PIK3R5: variants seen among roughly 807,000 people sequenced by gnomAD.
PIK3R5 encodes phosphoinositide-3-kinase regulatory subunit 5.
PIK3R5 carries 32 observed loss-of-function variants against 94.9 expected under a neutral mutation model. That is an observed-to-expected ratio of 0.34 (90% confidence interval 0.25 to 0.45). The LOEUF is 0.45. Among genes scored for constraint, PIK3R5 ranks in the 20% least tolerant of loss-of-function variants. The pLI, the probability that PIK3R5 is intolerant of heterozygous loss-of-function variation, is 1.00. For missense variants in PIK3R5, 853 were observed against 1,144.6 expected (o/e 0.75, Z 3.68); for synonymous variants, 443 against 479.4 (o/e 0.92, Z 0.99).
intron 1 of PIK3R5, among the ~76,000 whole-genome samples, chr17:8,942,569 A>G (rs1309636667): frequency 6.6e-6 from 1 of 152,168 alleles, no homozygotes; most frequent in Non-Finnish European, 1.5e-5. Flanking sequence ...GAGGGAAGCT[A>G]TGCAGCCTTC....
rs2091253858 is a variant in PIK3R5 at position 8,945,304 on chromosome 17, TC to T, written c.-14+20291del. Reference sequence around the variant, plus strand: ...GGTGGGTCATTTGATTGACACTAGCTCCAAGAGATTCTTCCCTTACAATCAG... The same window carrying T: ...GGTGGGTCATTTGATTGACACTAGCTCAAGAGATTCTTCCCTTACAATCAG... On this transcript the variant is annotated intron_variant, in intron 1 of 18. Coordinates refer to ENST00000447110, the MANE Select transcript of PIK3R5 (RefSeq NM_001142633.3). The surrounding 1 kb of genome is among the most constrained non-coding windows in gnomAD (Gnocchi z 4.0). Among the ~76,000 whole-genome samples, 2 of 152,062 alleles carry T rather than the reference TC, an allele frequency of 1.3e-5. No homozygotes were observed. Among genetic ancestry groups the T allele is most frequent in the Non-Finnish European group, 2.9e-5 (2 of 68,004 alleles).
At chr17:8,960,007 C>T (rs903109175) in intron 1 of PIK3R5, among the ~76,000 whole-genome samples, 4 of 152,060 alleles carry the variant, frequency 2.6e-5, no homozygotes, top group African/African-American at 7.3e-5. Flanking sequence ...GAAGAGAGGC[C>T]CCCCCATTAG....
intron 1 of PIK3R5, among the ~76,000 whole-genome samples, chr17:8,962,370 A>G (rs1000774582): frequency 2.6e-5 from 4 of 152,386 alleles, no homozygotes; most frequent in Non-Finnish European, 5.9e-5. Context: ...CCATTTGATG[A>G]AAATTTCAAG....
intron 1 of PIK3R5, among the ~76,000 whole-genome samples, chr17:8,951,511 G>T (rs936209051): frequency 5.9e-5 from 9 of 152,070 alleles, no homozygotes; most frequent in African/African-American, 2.2e-4. Flanking sequence ...TTATCCTTTT[G>T]TGTCTGGCTT....
chr17:8,942,127 T>C (rs2151457922), intron 1 of PIK3R5, among the ~76,000 whole-genome samples: 1 of 152,112 alleles, frequency 6.6e-6, no homozygotes, highest in Non-Finnish European at 1.5e-5. Context: ...CCAGCTTCTC[T>C]CCCTTCCATT....
chr17:8,941,210 G>A (rs1010867255), intron 1 of PIK3R5, among the ~76,000 whole-genome samples: 8 of 152,134 alleles, frequency 5.3e-5, no homozygotes, highest in Non-Finnish European at 1.2e-4. Context: ...TGGGGTTGGT[G>A]GGGAGGCAGA....
chr17:8,912,388 T>C (rs1351920223), intron 1 of PIK3R5: 1 of 152,286 alleles, frequency 6.6e-6, no homozygotes, highest in African/African-American at 2.4e-5. Flanking sequence ...GCTAGCCATG[T>C]GACTTTGGGC....
intron 1 of PIK3R5, among the ~76,000 whole-genome samples, chr17:8,927,533 T>A (rs1204214361): frequency 3.3e-5 from 5 of 152,146 alleles, no homozygotes; most frequent in Admixed American, 6.5e-5. Context: ...GACACCTCCA[T>A]GATAAGATGA....
chr17:8,949,481 T>C (rs1009965159), intron 1 of PIK3R5, among the ~76,000 whole-genome samples: 2 of 152,170 alleles, frequency 1.3e-5, no homozygotes, highest in Non-Finnish European at 2.9e-5. Context: ...CTACCGATTA[T>C]CTTTGAAGAA....
chr17:8,936,699 T>C (rs1342303300), intron 1 of PIK3R5, among the ~76,000 whole-genome samples: 1 of 152,236 alleles, frequency 6.6e-6, no homozygotes, highest in African/African-American at 2.4e-5. Context: ...GTAATGTCAG[T>C]CTTCTGACTT....
chr17:8,943,063 C>T (rs1308721394), intron 1 of PIK3R5, among the ~76,000 whole-genome samples: 1 of 151,548 alleles, frequency 6.6e-6, no homozygotes, highest in Non-Finnish European at 1.5e-5. Flanking sequence ...TCAGCTTGAA[C>T]CTTTTTCTTT....
In PIK3R5 at chr17:8,909,821, G is replaced by C. The variant is rs141375873; in HGVS notation, c.104-647C>G. Reference sequence around the variant, plus strand: ...ACCTCTCCTGCCCTGGTTTCCTACAGTGGGTTCTGGTACCTATGAGTTGCA... The same window carrying C: ...ACCTCTCCTGCCCTGGTTTCCTACACTGGGTTCTGGTACCTATGAGTTGCA... On this transcript the variant is annotated intron_variant, in intron 2 of 18. Transcript: ENST00000447110. The surrounding 1 kb of genome is among the most constrained non-coding windows in gnomAD (Gnocchi z 4.3). Among the ~76,000 whole-genome samples the C allele has an allele frequency of 6.6e-6, 1 of 152,306 alleles. No individual in the cohort carries two copies. Among genetic ancestry groups the C allele is most frequent in the Admixed American group, 6.5e-5 (1 of 15,300 alleles).
intron 5 of PIK3R5, among the ~76,000 whole-genome samples, chr17:8,899,751 T>C (rs767697660): frequency 5.3e-5 from 8 of 152,232 alleles, no homozygotes; most frequent in Non-Finnish European, 8.8e-5. Flanking sequence ...TTGAAAATCA[T>C]AGGAAAGGCT....
chr17:8,905,041 C>T, intron 4 of PIK3R5, 126 bp from the exon 5 acceptor site: 1 of 1,052,298 alleles, frequency 9.5e-7, no homozygotes, highest in Non-Finnish European at 1.4e-6. Flanking sequence ...CGCAGCGTGT[C>T]CCAGGACAAG....
At chr17:8,965,001 CCACACACACACACA>C (rs10680170) in intron 1 of PIK3R5, among the ~76,000 whole-genome samples, 4 of 150,696 alleles carry the variant, frequency 2.7e-5, no homozygotes, top group African/African-American at 9.8e-5. Context: ...ATGCGCATGC[CCACACACACACACA>C]CACACACACA....
chr17:8,949,398 G>A (rs2091334189), intron 1 of PIK3R5, among the ~76,000 whole-genome samples: 1 of 152,196 alleles, frequency 6.6e-6, no homozygotes, highest in South Asian at 2.1e-4. Context: ...TGCTGAAAAT[G>A]AGTTTAGGAT....
At chr17:8,964,290 GC>G (rs2151490053) in intron 1 of PIK3R5, among the ~76,000 whole-genome samples, 1 of 152,120 alleles carries the variant, frequency 6.6e-6, no homozygotes, top group East Asian at 1.9e-4. Context: ...TACTTGGGAG[GC>G]GGAGGCGGAG....
At chr17:8,931,574 T>A (rs1352700203) in intron 1 of PIK3R5, among the ~76,000 whole-genome samples, 1 of 152,052 alleles carries the variant, frequency 6.6e-6, no homozygotes, top group Non-Finnish European at 1.5e-5. Context: ...CTTTCCGAGT[T>A]GAGGAGACAG....
In PIK3R5 at chr17:8,881,925, G is replaced by T. The variant is rs151095819; in HGVS notation, c.2206-44C>A. On this transcript the variant is annotated intron_variant, in intron 15 of 18. Coordinates refer to ENST00000447110, the MANE Select transcript of PIK3R5 (RefSeq NM_001142633.3). The surrounding 1 kb of genome is among the most constrained non-coding windows in gnomAD (Gnocchi z 4.8). Reference sequence around the variant, plus strand: ...CAGACCCTCTGAGTCCAGAGGCCCCGGTGCCTGCTGCCTTCTCTTTGAAGG... The same window carrying T: ...CAGACCCTCTGAGTCCAGAGGCCCCTGTGCCTGCTGCCTTCTCTTTGAAGG... 6 of 1,453,236 alleles carry T rather than the reference G, an allele frequency of 4.1e-6. No homozygotes were observed. In the South Asian group the frequency reaches 4.7e-5, roughly 11 times the overall value. The allele number at this position is 1,453,236 out of a possible 1,614,324, so 90.0% of individuals were successfully genotyped here. A position where few individuals can be genotyped will look rare whatever the true frequency, so the allele number is the denominator to read the frequency against.
Sources: gnomAD v4.1 joint callset for allele counts (sites outside exome capture counted in the v4.1 genomes callset) on GRCh38, gnomAD v4.1.1 for gene constraint, Gnocchi (gnomAD v3.1) non-coding constraint, MANE v1.5 for transcripts, NCBI Gene and HGNC (gene_info 2026-07-23, HGNC 2026-07-21) for gene names.